The following UBTF variants were observed in gnomAD, a reference collection of about 807,000 sequenced individuals.
UBTF encodes the protein upstream binding transcription factor, also known as nucleolar transcription factor 1.
In UBTF, 8 loss-of-function variants were observed where a neutral mutation model predicts 112.3. That is an observed-to-expected ratio of 0.07 (90% CI 0.04 to 0.13). The LOEUF is 0.13. Ranked by LOEUF, UBTF falls within the 10% of genes least tolerant of loss-of-function variation. The pLI is 1.00. For missense variants in UBTF, 457 were observed against 982.1 expected (o/e 0.47, Z 7.15); for synonymous variants, 417 against 373.1 (o/e 1.12, Z -1.36).
At position 44,209,698 on chromosome 17, in the gene UBTF, A is replaced by G. The variant is rs1297608951; in HGVS notation, c.1662T>C (p.Ala554=). 3 of 1,614,168 alleles carry G rather than the reference A, an allele frequency of 1.9e-6. No individual in the cohort carries two copies. The highest frequency in any genetic ancestry group is 2.5e-6 in the Non-Finnish European group (3 of 1,180,026). The stretch of plus-strand genomic sequence containing the variant: ...ATTTCATCTTCTTGGAAGAATTTGT[A>G]GCAGCTGGAGGTGCCCGCATCTCAC... ...ELSEMRAPPA[A]TNSSKKMKFQ... The change falls in exon 16 of 21, where the codon GCT becomes GCC. Residue 554 remains alanine, a synonymous_variant. Coordinates refer to ENST00000436088, the MANE Select transcript of UBTF (RefSeq NM_014233.4).
At position 44,215,616 on chromosome 17, in the gene UBTF, CCTCTCCCCTCCTCCCACCTTAA is replaced by C; in HGVS notation, c.474+16_474+37del. The C allele has an allele frequency of 6.2e-7, 1 of 1,609,552 alleles. No individual in the cohort carries two copies. Among genetic ancestry groups the C allele is most frequent in the East Asian group, 2.2e-5 (1 of 44,820 alleles). ...CCCACACCACACCAGCTGCTCCCAGCCTCTCCCCTCCTCCCACCTTAACTCTCCTCCCCCCACCTTCTTCTTC... is the reference window on the plus strand; with the variant it reads ...CCCACACCACACCAGCTGCTCCCAGCCTCTCCTCCCCCCACCTTCTTCTTC... On this transcript the variant is annotated intron_variant, in intron 5 of 20. Coordinates refer to ENST00000436088, the MANE Select transcript of UBTF (RefSeq NM_014233.4).
Position 44,215,946 on chromosome 17 carries a change from T to C in UBTF, c.278A>G (p.Gln93Arg). 1 of 1,614,140 alleles carries C rather than the reference T, an allele frequency of 6.2e-7. No homozygotes were observed. The highest frequency in any genetic ancestry group is 8.5e-7 in the Non-Finnish European group (1 of 1,180,026). Residue 93 changes from glutamine (Q) to arginine (R), a missense_variant, in exon 4 of 21, where the codon CAG becomes CGG. Around this residue, in one of 7 missense-constraint regions of UBTF, gnomAD observed 26 missense variants for 132.9 expected, o/e 0.20. Coordinates refer to ENST00000436088, the MANE Select transcript of UBTF (RefSeq NM_014233.4). Reference sequence around the variant, plus strand: ...TTTGTAAGGATTTTTAACATGTTCCTGAGCATCGAGGATCAATTCTGTCAA... The same window carrying C: ...TTTGTAAGGATTTTTAACATGTTCCCGAGCATCGAGGATCAATTCTGTCAA... The part of the protein sequence containing the change: ...RTLTELILDA[Q>R]EHVKNPYKGK...
rs1364257885 is a variant in UBTF, at chr17:44,211,184, G to A, written c.1090-32C>T. 3 of 1,612,908 alleles carry A rather than the reference G, an allele frequency of 1.9e-6. No homozygotes were observed. The highest frequency in any genetic ancestry group is 2.5e-6 in the Non-Finnish European group (3 of 1,179,664). On this transcript the variant is annotated intron_variant, in intron 11 of 20. Transcript: ENST00000436088. This position sits in a 1 kb window ranked among gnomAD's most constrained non-coding sequence, Gnocchi z 4.9. ...AGGAAAGAGGAGCACGGGGCTGCAT[G>A]CCTGGCACCCAGACTGCATGGTGCC...
rs373251927 is a variant in UBTF at position 44,210,327 on chromosome 17, G to A, written c.1506C>T (p.Ala502=). 11 of 1,614,130 alleles carry A rather than the reference G, an allele frequency of 6.8e-6. No individual in the cohort carries two copies. Among genetic ancestry groups the A allele is most frequent in the African/African-American group, 1.3e-5 (1 of 74,946 alleles). ...TTCCCACCCCTGTCACCTTGAAGCG[G>A]GCCAGGTAGTCGCCGATAACGCTCT... ...WQQSVIGDYL[A]RFKNDRVKAL... The change falls in exon 14 of 21, where the codon GCC becomes GCT. Residue 502 remains alanine, a synonymous_variant. Coordinates refer to ENST00000436088, the MANE Select transcript of UBTF (RefSeq NM_014233.4).
chr17:44,218,958 C>T (rs2047012677), intron 1 of UBTF: 1 of 150,562 alleles, frequency 6.6e-6, no homozygotes, highest in Admixed American at 6.6e-5. Context: ...GCCCCCGAGC[C>T]ACCCACCCCG....
intron 1 of UBTF, chr17:44,218,594 CAA>C (rs71160095): frequency 0.045 from 3,748 of 83,788 alleles, 143 homozygotes; most frequent in East Asian, 0.16. Flanking sequence ...CAACCCCAGC[CAA>C]AAAAAAAAAA....
In UBTF at chr17:44,211,046, C is replaced by A. The variant is rs771687996; in HGVS notation, c.1196G>T (p.Gly399Val). The A allele has an allele frequency of 1.2e-6, 2 of 1,611,380 alleles. No homozygotes were observed. Among genetic ancestry groups the A allele is most frequent in the Non-Finnish European group, 1.7e-6 (2 of 1,179,528 alleles). Residue 399 changes from glycine (G) to valine (V), a missense_variant, in exon 12 of 21, where the codon GGG becomes GTG. By Grantham distance (109) the Gly-to-Val change is moderately radical. This residue lies in a region of UBTF where 108 missense variants were observed against 137.4 expected (regional missense o/e 0.79). Coordinates refer to ENST00000436088, the MANE Select transcript of UBTF (RefSeq NM_014233.4). This position sits in a 1 kb window ranked among gnomAD's most constrained non-coding sequence, Gnocchi z 4.9. ...GCCGCACCCTCTGCCCACCTTGCCC[C>A]CTTCCTGGGCTGGCTTCTTGGAGGC... is the stretch of plus-strand genomic sequence containing the variant. Reference protein sequence around the residue: ...SPASKKPAQEGGKGGSEKPKR... With the variant: ...SPASKKPAQEVGKGGSEKPKR...
In UBTF at chr17:44,218,239, G is replaced by A. The variant is rs199991993; in HGVS notation, c.-10C>T. 1.6e-5 allele frequency: 25 copies of A among 1,611,918 alleles called. No homozygotes were observed. The Admixed American group carries it at 2.0e-4, about 13-fold the overall frequency. Reference sequence around the variant, plus strand: ...CGGCTTCTCCGTTCATCCTCCAGCTGTCCAGCCACCTCCTCGGTCGTGCTG... The same window carrying A: ...CGGCTTCTCCGTTCATCCTCCAGCTATCCAGCCACCTCCTCGGTCGTGCTG... On this transcript the variant is annotated 5_prime_UTR_variant, in exon 2 of 21. Coordinates refer to ENST00000436088, the MANE Select transcript of UBTF (RefSeq NM_014233.4).
At chr17:44,216,791 C>T (rs1200120463) in intron 2 of UBTF, 87 bp from the exon 3 acceptor site, 2 of 1,351,082 alleles carry the variant, frequency 1.5e-6, no homozygotes, top group Non-Finnish European at 2.1e-6. Context: ...AACTCTTCCT[C>T]CCTAGGGCAT....
rs866503221 is a variant in UBTF at position 44,206,927 on chromosome 17, G to A, written c.*315C>T. ...TTGGGACCCCCCACCCCCACTCTCC[G>A]GTCCATTGTCCATGCCGGAACCGCA... On this transcript the variant is annotated 3_prime_UTR_variant, in exon 21 of 21. Coordinates refer to ENST00000436088, the MANE Select transcript of UBTF (RefSeq NM_014233.4). 42 of 456,056 alleles carry A rather than the reference G, an allele frequency of 9.2e-5. 1 individual carries two copies. In the South Asian group the frequency reaches 1.3e-3, roughly 15 times the overall value. 28.3% of individuals were successfully genotyped at this position (456,056 alleles called of 1,614,324 possible).
In UBTF at chr17:44,210,679, C is replaced by A; in HGVS notation, c.1359+113G>T. On this transcript the variant is annotated intron_variant, in intron 13 of 20. Transcript: ENST00000436088. ...GCTGGGCGCCGGCCCCACGTCCCAG[C>A]CCAGGCACCGCGTGGCTCAGGCGGC... 2.7e-6 allele frequency: 4 copies of A among 1,466,810 alleles called. No individual in the cohort carries two copies. The South Asian group carries it at 5.3e-5, about 19-fold the overall frequency. The allele number at this position is 1,466,810 out of a possible 1,614,324, so 90.9% of individuals were successfully genotyped here. A position where few individuals can be genotyped will look rare whatever the true frequency, so the allele number is the denominator to read the frequency against.
In UBTF at chr17:44,211,419, C is replaced by T; in HGVS notation, c.1048-88G>A. 6.3e-7 allele frequency: 1 copy of T among 1,588,532 alleles called. No homozygotes were observed. Among genetic ancestry groups the T allele is most frequent in the African/African-American group, 1.3e-5 (1 of 74,532 alleles). On this transcript the variant is annotated intron_variant, in intron 10 of 20. Coordinates refer to ENST00000436088, the MANE Select transcript of UBTF (RefSeq NM_014233.4). This position sits in a 1 kb window ranked among gnomAD's most constrained non-coding sequence, Gnocchi z 4.9. ...TCGGAGGACAGTGACCTTCAGCGGG[C>T]CTCCAGAGCCTGGGTGTGGGCTGGA...
In UBTF at chr17:44,212,808, C is replaced by T. The variant is rs749002182; in HGVS notation, c.660+11G>A. 1.9e-5 allele frequency: 31 copies of T among 1,613,624 alleles called. No individual in the cohort carries two copies. The highest frequency in any genetic ancestry group is 2.2e-5 in the East Asian group (1 of 44,878). ...GCATCCTCCACCCCCAACCCTTGGC[C>T]GGACACTCACATCTGGCCGCACTTT... is the stretch of plus-strand genomic sequence containing the variant. On this transcript the variant is annotated intron_variant, in intron 7 of 20. Coordinates refer to ENST00000436088, the MANE Select transcript of UBTF (RefSeq NM_014233.4).
Position 44,215,998 on chromosome 17 carries a change from A to G in UBTF, c.235-9T>C, listed in dbSNP as rs1229849679. The G allele has an allele frequency of 3.1e-6, 5 of 1,611,726 alleles. No individual in the cohort carries two copies. The highest frequency in any genetic ancestry group is 4.2e-6 in the Non-Finnish European group (5 of 1,177,982). On this transcript the variant is annotated splice_polypyrimidine_tract_variant and intron_variant, in intron 3 of 20. Coordinates refer to ENST00000436088, the MANE Select transcript of UBTF (RefSeq NM_014233.4). ...GTACGGAACTTCCTCACCTGGAGGA[A>G]GAGGGGTGGGAGGAAGGGGAAGTTG...
At chr17:44,218,489 C>A (rs1418555221) in intron 1 of UBTF, 193 bp from the exon 2 acceptor site, 1 of 455,786 alleles carries the variant, frequency 2.2e-6, no homozygotes, top group Non-Finnish European at 3.8e-6. Flanking sequence ...CCAGCCCCTG[C>A]AGCCCGGCTC....
chr17:44,210,864 C>A lies in UBTF; in HGVS notation c.1287G>T (p.Arg429=). The part of the protein sequence containing the change: ...EEKRRQLQEE[R]PELSESELTR... ...TCAGCTCGCTCTCGGAGAGCTCAGG[C>A]CGCTCCTCCTGCAGCTGCCGCCGTT... is the stretch of plus-strand genomic sequence containing the variant. Residue 429 remains arginine (R), a synonymous_variant, in exon 13 of 21, where the codon CGG becomes CGT. Transcript: ENST00000436088. 6.3e-7 allele frequency: 1 copy of A among 1,579,752 alleles called. No homozygotes were observed. The highest frequency in any genetic ancestry group is 8.6e-7 in the Non-Finnish European group (1 of 1,162,926).
At chr17:44,213,178 C>T (rs762126736) in intron 6 of UBTF, 40 bp downstream of exon 6, 10 of 1,604,418 alleles carry the variant, frequency 6.2e-6, no homozygotes, top group Non-Finnish European at 8.5e-6. Context: ...TCTGCTGCCC[C>T]CAGTGCCCCG....
At position 44,207,313 on chromosome 17, in the gene UBTF, C is replaced by T. The variant is rs780448631; in HGVS notation, c.2224G>A (p.Asp742Asn). The change falls in exon 21 of 21, where the codon GAT (aspartate) becomes AAT (asparagine). Residue 742 changes from aspartate to asparagine, a missense_variant. By Grantham distance (23) the Asp-to-Asn change is conservative. This residue lies in a region of UBTF where 139 missense variants were observed against 157.5 expected (regional missense o/e 0.88). Transcript: ENST00000436088. ...GAGCTGCTGCCCTCGGACTCATTAT[C>T]TTCATCCTCATCGTCATCCTCGTCG... Reference protein sequence around the residue: ...DDDEDDDEDEDNESEGSSSSS... With the variant: ...DDDEDDDEDENNESEGSSSSS... The T allele has an allele frequency of 1.9e-6, 3 of 1,612,958 alleles. No homozygotes were observed. Among genetic ancestry groups the T allele is most frequent in the South Asian group, 2.2e-5 (2 of 90,848 alleles).
At chr17:44,210,514 AG>A (rs1345065285) in intron 13 of UBTF, 41 bp from the exon 14 acceptor site, 2 of 1,524,888 alleles carry the variant, frequency 1.3e-6, no homozygotes, top group East Asian at 2.4e-5. Context: ...ACCCACCCCC[AG>A]GGGGCGCGCG....
Sources: allele counts gnomAD v4.1 joint callset, GRCh38; gene constraint gnomAD v4.1.1; regional missense constraint gnomAD v4.1.1; non-coding constraint Gnocchi (gnomAD v3.1); transcripts MANE v1.5; gene names NCBI Gene and HGNC (gene_info 2026-07-23, HGNC 2026-07-21).